NUP43: variants seen among roughly 807,000 people sequenced by gnomAD.
NUP43 encodes the protein nucleoporin Nup43.
A neutral mutation model predicts 47.3 loss-of-function variants in NUP43; 32 were observed. The ratio of observed to expected loss-of-function variants is 0.68; its 90% CI spans 0.51 to 0.91. NUP43 has a LOEUF of 0.91. Ranked by LOEUF, NUP43 falls within the 40% of genes least tolerant of loss-of-function variation. NUP43 has a pLI of 0.00. For synonymous variants in NUP43, 147 were observed against 158.4 expected, an observed-to-expected ratio of 0.93 and a Z score of 0.54; for missense variants, 444 against 453.9, an observed-to-expected ratio of 0.98 and a Z score of 0.20.
intron 6 of NUP43, among the ~76,000 whole-genome samples, chr6:149,734,317 T>G (rs1030698435): frequency 6.8e-6 from 1 of 146,582 alleles, no homozygotes; most frequent in South Asian, 2.2e-4. Flanking sequence ...GGGCAACATA[T>G]TGAGACCCTG....
upstream of NUP43, among the ~76,000 whole-genome samples, chr6:149,747,731 G>C (rs1358971690): frequency 6.6e-6 from 1 of 152,064 alleles, no homozygotes; most frequent in East Asian, 1.9e-4. Flanking sequence ...TTACACTATA[G>C]GTATTCATAA....
chr6:149,729,281 C>T (rs1203454794), intron 7 of NUP43, among the ~76,000 whole-genome samples: 2 of 152,082 alleles, frequency 1.3e-5, no homozygotes, highest in South Asian at 2.1e-4. Context: ...TGTGAGCCAC[C>T]GCGCCCGGCC....
intron 5 of NUP43, among the ~76,000 whole-genome samples, chr6:149,736,862 G>C (rs974382148): frequency 6.6e-6 from 1 of 152,026 alleles, no homozygotes; most frequent in Admixed American, 6.6e-5. Context: ...TTAACTTTTT[G>C]TATTTTTGTA....
At chr6:149,740,849 T>C (rs1785616404) in intron 4 of NUP43, among the ~76,000 whole-genome samples, 1 of 152,180 alleles carries the variant, frequency 6.6e-6, no homozygotes, top group African/African-American at 2.4e-5. Flanking sequence ...CCCAGCTTAC[T>C]TCTCTCTTGC....
At chr6:149,732,165 A>C (rs1785083630) in intron 6 of NUP43, among the ~76,000 whole-genome samples, 1 of 148,850 alleles carries the variant, frequency 6.7e-6, no homozygotes, top group Non-Finnish European at 1.5e-5. Flanking sequence ...CTGGGCGACA[A>C]AGTGAGACAC....
chr6:149,729,771 G>A (rs1025464041), intron 7 of NUP43, among the ~76,000 whole-genome samples: 6 of 152,010 alleles, frequency 3.9e-5, no homozygotes, highest in South Asian at 2.1e-4. Context: ...TGCTCTATGC[G>A]TTTCGACATT....
At chr6:149,730,352 T>C (rs914173397) in intron 7 of NUP43, among the ~76,000 whole-genome samples, 1 of 152,152 alleles carries the variant, frequency 6.6e-6, no homozygotes, top group Admixed American at 6.6e-5. Flanking sequence ...ACATCAAATA[T>C]CAACTTTTTT....
intron 5 of NUP43, among the ~76,000 whole-genome samples, chr6:149,736,831 T>A (rs1262155779): frequency 6.6e-6 from 1 of 152,100 alleles, no homozygotes; most frequent in Non-Finnish European, 1.5e-5. Context: ...TGGGAGTACA[T>A]GTGTGTACCA....
Position 149,726,816 on chromosome 6 carries a change from A to G in NUP43, c.*153T>C. ...TACAACTGTTTGGGAGTGTCAGGCTAACAAAAGTCAAAACTGGGCATTGAC... is the reference window on the plus strand; with the variant it reads ...TACAACTGTTTGGGAGTGTCAGGCTGACAAAAGTCAAAACTGGGCATTGAC... On this transcript the variant is annotated 3_prime_UTR_variant, in exon 8 of 8. Coordinates refer to ENST00000340413, the MANE Select transcript of NUP43 (RefSeq NM_198887.3). The G allele has an allele frequency of 1.6e-6, 1 of 633,306 alleles. No homozygotes were observed. Among genetic ancestry groups the G allele is most frequent in the South Asian group, 1.9e-5 (1 of 51,478 alleles). 39.2% of individuals were successfully genotyped at this position (633,306 alleles called of 1,614,324 possible). A position where few individuals can be genotyped will look rare whatever the true frequency, so the allele number is the denominator to read the frequency against.
rs752630671 is a variant in NUP43 at position 149,746,505 on chromosome 6, G to A, written c.-10C>T. 87 of 1,614,036 alleles carry A rather than the reference G, an allele frequency of 5.4e-5. No homozygotes were observed. The highest frequency in any genetic ancestry group is 8.0e-5 in the African/African-American group (6 of 74,920). ...CATAAATTTCCTCCATGCCGAAAGCGGCCGCAGCAGGTACTGCAAAAAGCA... is the reference window on the plus strand; with the variant it reads ...CATAAATTTCCTCCATGCCGAAAGCAGCCGCAGCAGGTACTGCAAAAAGCA... On this transcript the variant is annotated 5_prime_UTR_variant, in exon 1 of 8. Coordinates refer to ENST00000340413, the MANE Select transcript of NUP43 (RefSeq NM_198887.3).
At chr6:149,740,275 CAAAA>C (rs766447484) in intron 4 of NUP43, among the ~76,000 whole-genome samples, 5 of 22,442 alleles carry the variant, frequency 2.2e-4, no homozygotes, top group Admixed American at 6.9e-4. Context: ...GACCCTGTCT[CAAAA>C]AAAAAAAAAA....
intron 7 of NUP43, among the ~76,000 whole-genome samples, chr6:149,728,817 A>G (rs1047681043): frequency 1.3e-5 from 2 of 152,052 alleles, no homozygotes; most frequent in African/African-American, 2.4e-5. Flanking sequence ...GAATGCTTTC[A>G]TGTCACTTAT....
rs2115113015 is a variant in NUP43 at position 149,736,452 on chromosome 6, G to GT, written c.790+18dup. 6.4e-7 allele frequency: 1 copy of GT among 1,551,628 alleles called. No homozygotes were observed. Among genetic ancestry groups the GT allele is most frequent in the African/African-American group, 1.3e-5 (1 of 74,164 alleles). ...ATAACTCACCCAATATAAACTTTCT[G>GT]TATCTTCACAATACTTACTTTCAGC... On this transcript the variant is annotated intron_variant, in intron 6 of 7. Transcript: ENST00000340413.
At chr6:149,727,975 C>T (rs929491204) in intron 7 of NUP43, 7 of 985,228 alleles carry the variant, frequency 7.1e-6, no homozygotes, top group Admixed American at 1.2e-4. Flanking sequence ...TGTGCCAAGT[C>T]CCTATGTCTT....
chr6:149,731,776 C>T lies in NUP43; in HGVS notation c.791-41G>A, dbSNP rs761912720. On this transcript the variant is annotated intron_variant, in intron 6 of 7. Transcript: ENST00000340413. The stretch of plus-strand genomic sequence containing the variant: ...CAATAAGCTCATTCCTGTGCAGATT[C>T]GCTGAACAAACAACATTAAACCCCC... 2.9e-5 allele frequency: 46 copies of T among 1,603,492 alleles called. No individual in the cohort carries two copies. In the South Asian group the frequency reaches 4.3e-4, roughly 15 times the overall value.
At position 149,733,258 on chromosome 6, in the gene NUP43, C is replaced by G. The variant is rs983928650; in HGVS notation, c.791-1523G>C. ...CTGGTCTTTATCACAGAAATAGCAACTGACTTCTACCAAACCAAAATTTGG... is the reference window on the plus strand; with the variant it reads ...CTGGTCTTTATCACAGAAATAGCAAGTGACTTCTACCAAACCAAAATTTGG... On this transcript the variant is annotated intron_variant, in intron 6 of 7. Transcript: ENST00000340413. Among the ~76,000 whole-genome samples the G allele has an allele frequency of 3.3e-5, 5 of 152,160 alleles. No homozygotes were observed. The East Asian group carries it at 9.6e-4, about 29-fold the overall frequency.
chr6:149,727,852 T>C, intron 7 of NUP43: 1 of 985,326 alleles, frequency 1.0e-6, no homozygotes. Flanking sequence ...TTTTAGTCAT[T>C]ATTCGCAACT....
rs188133485 is a variant in NUP43, at chr6:149,744,529, A to G, written c.244-814T>C. On this transcript the variant is annotated intron_variant, in intron 2 of 7. Transcript: ENST00000340413. ...CAGAGCAAGACTCGTCATAAAAAAG[A>G]AAAAAAAAAAAGGAAAGGAAAATAT... is the stretch of plus-strand genomic sequence containing the variant. 6.4e-4 allele frequency among the ~76,000 whole-genome samples: 87 copies of G among 135,260 alleles called. 1 individual carries two copies. The highest frequency in any genetic ancestry group is 2.2e-3 in the Admixed American group (30 of 13,386). The allele number at this position is 135,260 out of a possible 152,430, so 88.7% of individuals were successfully genotyped here.
intron 6 of NUP43, among the ~76,000 whole-genome samples, chr6:149,733,319 A>C (rs1582964631): frequency 6.6e-6 from 1 of 152,156 alleles, no homozygotes; most frequent in East Asian, 1.9e-4. Context: ...TCTCAGATGG[A>C]GGGCTTTTTA....
Sources: allele counts gnomAD v4.1 joint callset (sites outside exome capture counted in the v4.1 genomes callset), GRCh38; gene constraint gnomAD v4.1.1; transcripts MANE v1.5; gene names NCBI Gene and HGNC (gene_info 2026-07-23, HGNC 2026-07-21).